The following MIPEP variants were observed in gnomAD, a reference collection of about 807,000 sequenced individuals.
The protein encoded by MIPEP is mitochondrial intermediate peptidase.
MIPEP carries 79 observed loss-of-function variants against 90.3 expected under a neutral mutation model. The observed-to-expected ratio is 0.87, with a 90% CI of 0.73 to 1.05. The LOEUF is 1.05. Among genes scored for constraint, MIPEP ranks in the 50% least tolerant of loss-of-function variants. The pLI, the probability that MIPEP is intolerant of heterozygous loss-of-function variation, is 0.00. For synonymous variants in MIPEP, 334 were observed against 315.8 expected, an observed-to-expected ratio of 1.06 and a Z score of -0.61; for missense variants, 940 against 905.6, an observed-to-expected ratio of 1.04 and a Z score of -0.49.
intron 16 of MIPEP, among the ~76,000 whole-genome samples, chr13:23,777,296 T>C (rs1952729124): frequency 6.6e-6 from 1 of 152,192 alleles, no homozygotes; most frequent in South Asian, 2.1e-4. Context: ...CTTGCTTCTG[T>C]TGTTCCTGTC....
intron 2 of MIPEP, among the ~76,000 whole-genome samples, chr13:23,884,536 T>A (rs1405758742): frequency 6.6e-6 from 1 of 152,166 alleles, no homozygotes; most frequent in Non-Finnish European, 1.5e-5. Context: ...GCAGCCCAGC[T>A]GCACCACACG....
intron 16 of MIPEP, among the ~76,000 whole-genome samples, chr13:23,784,812 T>A (rs1323254353): frequency 6.6e-6 from 1 of 151,746 alleles, no homozygotes; most frequent in Non-Finnish European, 1.5e-5. Flanking sequence ...AACAACCCCA[T>A]CAAAAAGTGG....
intron 16 of MIPEP, among the ~76,000 whole-genome samples, chr13:23,798,042 T>C (rs1952982599): frequency 6.6e-6 from 1 of 152,240 alleles, no homozygotes; most frequent in Non-Finnish European, 1.5e-5. Context: ...GTTACATCCA[T>C]TGCTTAGACC....
rs1380528740 is a variant in MIPEP, at chr13:23,841,441, G to A, written c.1154C>T (p.Ala385Val). 4.3e-6 allele frequency: 7 copies of A among 1,613,880 alleles called. No individual in the cohort carries two copies. The highest frequency in any genetic ancestry group is 5.9e-6 in the Non-Finnish European group (7 of 1,179,994). The change falls in exon 11 of 19, where the codon GCA (alanine) becomes GTA (valine). Residue 385 changes from alanine to valine, a missense_variant. By Grantham distance (64) the Ala-to-Val change is moderately conservative. Coordinates refer to ENST00000382172, the MANE Select transcript of MIPEP (RefSeq NM_005932.4). ...SLYCPFFSLG[A>V]CMEGLNILLN... ...CAAAATATTCAGGCCTTCCATGCATGCTCCAAGAGAGAAAAACGGGCAATA... is the reference window on the plus strand; with the variant it reads ...CAAAATATTCAGGCCTTCCATGCATACTCCAAGAGAGAAAAACGGGCAATA...
chr13:23,756,819 T>C (rs772391920), intron 17 of MIPEP: 8 of 579,302 alleles, frequency 1.4e-5, no homozygotes, highest in Non-Finnish European at 2.4e-5. Flanking sequence ...AGGTGTGACA[T>C]ATTCCCTGTA....
chr13:23,779,777 A>G (rs1403516316), intron 16 of MIPEP, among the ~76,000 whole-genome samples: 1 of 152,166 alleles, frequency 6.6e-6, no homozygotes, highest in Non-Finnish European at 1.5e-5. Context: ...TACTTTTCCA[A>G]CGGTCTTAGC....
intron 7 of MIPEP, among the ~76,000 whole-genome samples, chr13:23,867,952 A>T (rs1870614006): frequency 8.6e-6 from 1 of 116,188 alleles, no homozygotes; most frequent in African/African-American, 3.2e-5. Flanking sequence ...AATATAAAAT[A>T]AAAATATGGT....
intron 14 of MIPEP, among the ~76,000 whole-genome samples, chr13:23,810,312 A>C (rs896229659): frequency 2.6e-5 from 4 of 152,240 alleles, no homozygotes; most frequent in African/African-American, 9.6e-5. Context: ...ATAGGACTAA[A>C]AGATGAAAAT....
chr13:23,852,756 G>A (rs966073562), intron 10 of MIPEP, among the ~76,000 whole-genome samples: 2 of 152,112 alleles, frequency 1.3e-5, no homozygotes, highest in Admixed American at 6.5e-5. Flanking sequence ...GCCTCAGGCC[G>A]GTCCTTCAGG....
chr13:23,799,387 G>A (rs1005878282), intron 16 of MIPEP, among the ~76,000 whole-genome samples: 1 of 151,886 alleles, frequency 6.6e-6, no homozygotes. Context: ...GAGTGCAGTG[G>A]TGCGATGTGG....
intron 16 of MIPEP, among the ~76,000 whole-genome samples, chr13:23,804,311 T>C (rs1430982125): frequency 6.6e-6 from 1 of 152,204 alleles, no homozygotes; most frequent in East Asian, 1.9e-4. Context: ...TTAGTCTTCC[T>C]AGGACTTTAC....
chr13:23,889,041 CCAAA>C lies in MIPEP; in HGVS notation c.189+87_189+90del, dbSNP rs1352898836. The stretch of plus-strand genomic sequence containing the variant: ...GTTCGCTGCTCGCCTCCTCCCAGGC[CCAAA>C]CAATCTCGCCCTGATTGTTGCTGGC... On this transcript the variant is annotated intron_variant, in intron 1 of 18. Transcript: ENST00000382172. The C allele has an allele frequency of 9.9e-6, 12 of 1,210,856 alleles. 1 individual carries two copies. The East Asian group carries it at 1.3e-4, about 13-fold the overall frequency. 75.0% of individuals were successfully genotyped at this position (1,210,856 alleles called of 1,614,324 possible). A position where few individuals can be genotyped will look rare whatever the true frequency, so the allele number is the denominator to read the frequency against.
chr13:23,841,937 T>G (rs1869315480), intron 10 of MIPEP, among the ~76,000 whole-genome samples: 1 of 152,178 alleles, frequency 6.6e-6, no homozygotes, highest in Non-Finnish European at 1.5e-5. Context: ...TTAAGTGAAT[T>G]TAAAGTTCTC....
At chr13:23,736,144 A>G (rs1952261419) in intron 18 of MIPEP, among the ~76,000 whole-genome samples, 1 of 152,230 alleles carries the variant, frequency 6.6e-6, no homozygotes, top group Non-Finnish European at 1.5e-5. Context: ...AGGTGGATGG[A>G]GTTAACAAAC....
chr13:23,831,115 T>C (rs549073542), intron 14 of MIPEP, among the ~76,000 whole-genome samples: 5 of 152,214 alleles, frequency 3.3e-5, no homozygotes, highest in South Asian at 2.1e-4. Flanking sequence ...AGGACACATA[T>C]ATTCACACAT....
intron 16 of MIPEP, among the ~76,000 whole-genome samples, chr13:23,761,950 C>T (rs1270354194): frequency 6.6e-6 from 1 of 152,124 alleles, no homozygotes; most frequent in Non-Finnish European, 1.5e-5. Context: ...CATGGTGAAA[C>T]CCTGTCTCTA....
In MIPEP at chr13:23,803,364, A is replaced by AAACAACAAC. The variant is rs556587564; in HGVS notation, c.1848+2577_1848+2585dup. ...GGAGTCAAAGCAAGACTCCATCTCAAAACAACAACAACAACAACAACAACA... is the reference window on the plus strand; with the variant it reads ...GGAGTCAAAGCAAGACTCCATCTCAAAACAACAACAACAACAACAACAACAACAACAACA... On this transcript the variant is annotated intron_variant, in intron 16 of 18. Coordinates refer to ENST00000382172, the MANE Select transcript of MIPEP (RefSeq NM_005932.4). Among the ~76,000 whole-genome samples the AAACAACAAC allele has an allele frequency of 2.6e-5, 4 of 152,078 alleles. No homozygotes were observed. In the East Asian group the frequency reaches 7.7e-4, roughly 29 times the overall value.
chr13:23,799,618 G>GCCCGGCCTAGGATAATTTTTAA (rs1565997871), intron 16 of MIPEP, among the ~76,000 whole-genome samples: 1 of 152,190 alleles, frequency 6.6e-6, no homozygotes, highest in East Asian at 1.9e-4. Flanking sequence ...GAGCCACTGC[G>GCCCGGCCTAGGATAATTTTTAA]CCCGGCCTAG....
At chr13:23,881,408 G>T (rs1190575597) in intron 3 of MIPEP, among the ~76,000 whole-genome samples, 2 of 152,174 alleles carry the variant, frequency 1.3e-5, no homozygotes, top group African/African-American at 4.8e-5. Flanking sequence ...CCTTTACATT[G>T]ATCTCATTTA....
Sources: allele counts gnomAD v4.1 joint callset (sites outside exome capture counted in the v4.1 genomes callset), GRCh38; gene constraint gnomAD v4.1.1; transcripts MANE v1.5; gene names NCBI Gene and HGNC (gene_info 2026-07-23, HGNC 2026-07-21).